CYP2A7: variants seen among roughly 807,000 people sequenced by gnomAD.
The protein encoded by CYP2A7 is cytochrome P450 2A7.
Under a neutral mutation model 42.0 loss-of-function variants are expected in CYP2A7, and 36 were observed. That is an observed-to-expected ratio of 0.86 (90% confidence interval 0.66 to 1.13). The LOEUF is 1.13. Among genes scored for constraint, CYP2A7 ranks in the 50% most tolerant of loss-of-function variants. The pLI, the probability that CYP2A7 is intolerant of heterozygous loss-of-function variation, is 0.00. For synonymous variants in CYP2A7, 260 were observed against 249.5 expected (o/e 1.04, Z -0.40); for missense variants, 661 against 634.1 (o/e 1.04, Z -0.46).
intron 3 of CYP2A7, 57 bp downstream of exon 3, chr19:40,880,422 T>G: frequency 6.3e-7 from 1 of 1,587,532 alleles, no homozygotes; most frequent in Non-Finnish European, 8.6e-7. Context: ...CGCGCGCGGG[T>G]TCCTCGTCCT....
At chr19:40,880,969 T>G in intron 2 of CYP2A7, among the ~76,000 whole-genome samples, 15 of 138,730 alleles carry the variant, frequency 1.1e-4, no homozygotes, top group South Asian at 4.7e-4. Context: ...GGGTAGGAAG[T>G]GGGGAGAGAA....
rs754976917 is a variant in CYP2A7 at position 40,880,483 on chromosome 19, C to A, written c.489G>T (p.Thr163=). ...CACTCGGGGAACCTTACTCACCGTG[C>A]GTGCTCCGGATGGCCTCGATGAGGA... is the stretch of plus-strand genomic sequence containing the variant. ...SGFLIEAIRS[T]HGANIDPTFF... The change falls in exon 3 of 9, where the codon ACG becomes ACT. Residue 163 remains threonine (T), a synonymous_variant. Transcript: ENST00000301146. 2.5e-5 allele frequency: 40 copies of A among 1,612,362 alleles called. 1 individual carries two copies. Among genetic ancestry groups the A allele is most frequent in the Non-Finnish European group, 3.1e-5 (36 of 1,178,918 alleles).
intron 2 of CYP2A7, 106 bp from the exon 3 acceptor site, chr19:40,880,734 G>A: frequency 8.1e-7 from 1 of 1,231,092 alleles, no homozygotes; most frequent in East Asian, 2.6e-5. Context: ...GTAGTGGGGT[G>A]GGAGAGAGAT....
Position 40,876,648 on chromosome 19 carries a change from C to A in CYP2A7, c.1182G>T (p.Met394Ile). The change falls in exon 8 of 9, where the codon ATG becomes ATT. Residue 394 changes from methionine to isoleucine, a missense_variant. Met to Ile is a conservative substitution (Grantham distance 10). This residue lies in a region of CYP2A7 where 614 missense variants were observed against 552.4 expected (regional missense o/e 1.11). Coordinates refer to ENST00000301146, the MANE Select transcript of CYP2A7 (RefSeq NM_000764.3). ...TGGGGTCTCTCAGCACGGAGCCCAG[C>A]ATAGGGAACACTTCGGTGCCCTGGT... ...FLPKGTEVFP[M>I]LGSVLRDPSF... 5 of 1,612,638 alleles carry A rather than the reference C, an allele frequency of 3.1e-6. No individual in the cohort carries two copies. Among genetic ancestry groups the A allele is most frequent in the South Asian group, 1.1e-5 (1 of 90,988 alleles).
intron 4 of CYP2A7, 68 bp downstream of exon 4, chr19:40,880,016 G>A (rs1364248462): frequency 5.7e-6 from 9 of 1,590,550 alleles, no homozygotes; most frequent in Non-Finnish European, 7.7e-6. Flanking sequence ...TGGGGCACCT[G>A]TCTCCAGGTA....
In CYP2A7 at chr19:40,875,576, G is replaced by A. The variant is rs184329064; in HGVS notation, c.*117C>T. 91 of 1,522,328 alleles carry A rather than the reference G, an allele frequency of 6.0e-5. 3 individuals are homozygous for A. In the South Asian group the frequency reaches 7.7e-4, roughly 13 times the overall value. 94.3% of individuals were successfully genotyped at this position (1,522,328 alleles called of 1,614,324 possible). On this transcript the variant is annotated 3_prime_UTR_variant, in exon 9 of 9. Coordinates refer to ENST00000301146, the MANE Select transcript of CYP2A7 (RefSeq NM_000764.3). ...TTCTTCTCTTCCCTCTAGCCACCAC[G>A]CCCCTTCCTTTCCCGCATCTTCCCC... is the stretch of plus-strand genomic sequence containing the variant.
rs375710400 is a variant in CYP2A7, at chr19:40,879,965, G to A, written c.654+119C>T. The A allele has an allele frequency of 1.6e-4, 242 of 1,501,884 alleles. 5 individuals are homozygous for A. The highest frequency in any genetic ancestry group is 1.2e-3 in the African/African-American group (88 of 72,732). The allele number at this position is 1,501,884 out of a possible 1,614,324, so 93.0% of individuals were successfully genotyped here. On this transcript the variant is annotated intron_variant, in intron 4 of 8. Coordinates refer to ENST00000301146, the MANE Select transcript of CYP2A7 (RefSeq NM_000764.3). Reference sequence around the variant, plus strand: ...ACTGTCCAGTTGTCCAATATCGGGGGCTGATTTTGAGGGGACACTGTCTGG... The same window carrying A: ...ACTGTCCAGTTGTCCAATATCGGGGACTGATTTTGAGGGGACACTGTCTGG...
rs1284962688 is a variant in CYP2A7 at position 40,881,770 on chromosome 19, A to C, written c.181-19T>G. ...CACTGAACTGATGGAGGCGAGTGGG[A>C]GTGGTTAGAGGGAGCAGCCCCCACT... is the stretch of plus-strand genomic sequence containing the variant. On this transcript the variant is annotated intron_variant, in intron 1 of 8. Transcript: ENST00000301146. 1.9e-6 allele frequency: 3 copies of C among 1,597,196 alleles called. No homozygotes were observed. The highest frequency in any genetic ancestry group is 1.3e-5 in the African/African-American group (1 of 74,554).
intron 5 of CYP2A7, 81 bp downstream of exon 5, chr19:40,878,677 CTG>C: frequency 6.4e-7 from 1 of 1,561,224 alleles, no homozygotes; most frequent in Non-Finnish European, 8.7e-7. Flanking sequence ...TTGAACGGGT[CTG>C]TGTCGTCTGC....
In CYP2A7 at chr19:40,880,490, C is replaced by T. The variant is rs752929206; in HGVS notation, c.482G>A (p.Arg161Gln). The T allele has an allele frequency of 6.2e-6, 10 of 1,612,392 alleles. No individual in the cohort carries two copies. The highest frequency in any genetic ancestry group is 1.7e-5 in the Admixed American group (1 of 59,842). ...EESGFLIEAI[R>Q]STHGANIDPT... ...GGAACCTTACTCACCGTGCGTGCTC[C>T]GGATGGCCTCGATGAGGAAGCCCGA... The change falls in exon 3 of 9, where the codon CGG becomes CAG. Residue 161 changes from arginine to glutamine, a missense_variant. Physicochemically the swap from Arg to Gln is conservative, Grantham distance 43 (BLOSUM62 1). Transcript: ENST00000301146.
rs897596541 is a variant in CYP2A7, at chr19:40,880,233, C to T, written c.505G>A (p.Asp169Asn). ...GTGCGGCTCAGGAAGAAGGTGGGAT[C>T]GATATTGGCGCCTGCGGGTGTGGAG... ...AIRSTHGANI[D>N]PTFFLSRTVS... is the part of the protein sequence containing the mutation. Residue 169 changes from aspartate to asparagine, a missense_variant, in exon 4 of 9, where the codon GAT (aspartate) becomes AAT (asparagine). Asp to Asn is a conservative substitution (Grantham distance 23, BLOSUM62 1). Around this residue, in one of 3 missense-constraint regions of CYP2A7, gnomAD observed 614 missense variants for 552.4 expected, o/e 1.11. Transcript: ENST00000301146. 18 of 1,612,188 alleles carry T rather than the reference C, an allele frequency of 1.1e-5. 1 individual carries two copies. The highest frequency in any genetic ancestry group is 1.5e-5 in the Non-Finnish European group (18 of 1,179,090).
intron 6 of CYP2A7, 71 bp downstream of exon 6, chr19:40,877,781 G>A: frequency 6.5e-7 from 1 of 1,545,322 alleles, no homozygotes; most frequent in East Asian, 2.2e-5. Context: ...GGACAGGTAG[G>A]GACATTGCAC....
chr19:40,882,103 T>A lies in CYP2A7; in HGVS notation c.108A>T (p.Gly36=), dbSNP rs1568528897. ...TTCCAATGAAGGGCAGTGGGGTGGG[T>A]CCCGGAGGCAGCTTCCCCCTGCTCT... ...QRKSRGKLPP[G]PTPLPFIGNY... The change falls in exon 1 of 9, where the codon GGA becomes GGT. Residue 36 remains glycine, a synonymous_variant. Transcript: ENST00000301146. 5 of 1,613,768 alleles carry A rather than the reference T, an allele frequency of 3.1e-6. No homozygotes were observed. The highest frequency in any genetic ancestry group is 4.2e-6 in the Non-Finnish European group (5 of 1,179,838).
chr19:40,876,496 A>T (rs200463962), intron 8 of CYP2A7, 31 bp downstream of exon 8: 2 of 1,612,102 alleles, frequency 1.2e-6, no homozygotes, highest in East Asian at 4.5e-5. Flanking sequence ...TGGTGTGAGC[A>T]GTGGCCTGGC....
chr19:40,877,238 G>A lies in CYP2A7; in HGVS notation c.1113C>T (p.Ala371=). ...RFGDVIPMSL[A]RRVKKDTKFR... is the part of the protein sequence containing the mutation. Reference sequence around the variant, plus strand: ...ACTTGGTGTCCTTTTTAACCCTGCGGGCCAAACTCATGGGGATCACGTCTC... The same window carrying A: ...ACTTGGTGTCCTTTTTAACCCTGCGAGCCAAACTCATGGGGATCACGTCTC... Residue 371 remains alanine (A), a synonymous_variant, in exon 7 of 9, where the codon GCC becomes GCT. Coordinates refer to ENST00000301146, the MANE Select transcript of CYP2A7 (RefSeq NM_000764.3). 6.2e-7 allele frequency: 1 copy of A among 1,612,704 alleles called. No individual in the cohort carries two copies. Among genetic ancestry groups the A allele is most frequent in the Non-Finnish European group, 8.5e-7 (1 of 1,179,148 alleles).
At chr19:40,880,824 AGAG>A (rs1967659170) in intron 2 of CYP2A7, among the ~76,000 whole-genome samples, 196 bp from the exon 3 acceptor site, 1 of 76,926 alleles carries the variant, frequency 1.3e-5, no homozygotes, top group African/African-American at 4.7e-5. Context: ...AGAGAGAGAG[AGAG>A]AGAGAGAGAG....
Position 40,880,557 on chromosome 19 carries a change from C to T in CYP2A7, c.415G>A (p.Gly139Arg), listed in dbSNP as rs890233364. The change falls in exon 3 of 9, where the codon GGG becomes AGG. Residue 139 changes from glycine (G) to arginine (R), a missense_variant. Around this residue, in one of 3 missense-constraint regions of CYP2A7, gnomAD observed 614 missense variants for 552.4 expected, o/e 1.11. Transcript: ENST00000301146. ...RFAIATLRDF[G>R]VGKRGIEERI... ...TCCTCGATGCCTCGCTTGCCCACCC[C>T]GAAGTCCCTCAGGGTGGCGATGGCA... 8.1e-6 allele frequency: 13 copies of T among 1,611,420 alleles called. No homozygotes were observed. The highest frequency in any genetic ancestry group is 5.0e-5 in the Admixed American group (3 of 59,728).
At position 40,878,754 on chromosome 19, in the gene CYP2A7, G is replaced by A. The variant is rs575296850; in HGVS notation, c.831+6C>T. On this transcript the variant is annotated splice_donor_region_variant and intron_variant, in intron 5 of 8. Transcript: ENST00000301146. ...GCACCTCCCCGCACTGGCTGCTGGG[G>A]TGTACCTCCTGCATGTGGATGAGAA... 6.2e-6 allele frequency: 10 copies of A among 1,611,484 alleles called. No individual in the cohort carries two copies. Among genetic ancestry groups the A allele is most frequent in the East Asian group, 2.2e-5 (1 of 44,884 alleles).
rs1211953305 is a variant in CYP2A7, at chr19:40,882,118, C to G, written c.93G>C (p.Gly31=). 6.2e-7 allele frequency: 1 copy of G among 1,613,952 alleles called. No individual in the cohort carries two copies. Among genetic ancestry groups the G allele is most frequent in the Admixed American group, 1.7e-5 (1 of 60,014 alleles). ...MSVWQQRKSR[G]KLPPGPTPLP... is the part of the protein sequence containing the mutation. ...GTGGGGTGGGTCCCGGAGGCAGCTT[C>G]CCCCTGCTCTTCCTCTGCTGCCAGA... The change falls in exon 1 of 9, where the codon GGG becomes GGC. Residue 31 remains glycine (G), a synonymous_variant. Coordinates refer to ENST00000301146, the MANE Select transcript of CYP2A7 (RefSeq NM_000764.3).
Sources: gnomAD v4.1 joint callset for allele counts (sites outside exome capture counted in the v4.1 genomes callset) on GRCh38, gnomAD v4.1.1 for gene constraint, gnomAD v4.1.1 regional missense constraint, MANE v1.5 for transcripts, NCBI Gene and HGNC (gene_info 2026-07-23, HGNC 2026-07-21) for gene names.